NEDD4L: variants seen among roughly 807,000 people sequenced by gnomAD.
NEDD4L encodes the protein E3 ubiquitin-protein ligase NEDD4-like.
Under a neutral mutation model 148.9 loss-of-function variants are expected in NEDD4L, and 54 were observed. The ratio of observed to expected loss-of-function variants is 0.36; its 90% confidence interval spans 0.29 to 0.45. NEDD4L has a LOEUF of 0.45. Ranked by LOEUF, NEDD4L falls within the 20% of genes least tolerant of loss-of-function variation. The pLI is 1.00. For missense variants in NEDD4L, 856 were observed against 1,233.8 expected (o/e 0.69, Z 4.59); for synonymous variants, 433 against 440.7 (o/e 0.98, Z 0.22).
intron 2 of NEDD4L, among the ~76,000 whole-genome samples, chr18:58,202,668 T>A (rs1279377528): frequency 6.6e-6 from 1 of 152,232 alleles, no homozygotes; most frequent in Non-Finnish European, 1.5e-5. Flanking sequence ...GGGTTCAGAC[T>A]TGATCCTTTG....
intron 1 of NEDD4L, among the ~76,000 whole-genome samples, chr18:58,119,053 T>C (rs1235025543): frequency 6.6e-6 from 1 of 152,216 alleles, no homozygotes; most frequent in Admixed American, 6.5e-5. Context: ...TCCTCATCTT[T>C]TGTCAGCGAA....
At chr18:58,218,975 C>G (rs1288710407) in intron 2 of NEDD4L, among the ~76,000 whole-genome samples, 1 of 152,072 alleles carries the variant, frequency 6.6e-6, no homozygotes, top group African/African-American at 2.4e-5. Context: ...AGCCTCTGTC[C>G]CTAGATCATG....
intron 5 of NEDD4L, among the ~76,000 whole-genome samples, chr18:58,263,556 C>T (rs1419937029): frequency 6.6e-6 from 1 of 151,696 alleles, no homozygotes; most frequent in Non-Finnish European, 1.5e-5. Context: ...ATTGGTCATT[C>T]GAGAGCTGGT....
At chr18:58,104,876 C>A (rs1301907642) in intron 1 of NEDD4L, among the ~76,000 whole-genome samples, 7 of 151,756 alleles carry the variant, frequency 4.6e-5, no homozygotes, top group African/African-American at 7.3e-5. Flanking sequence ...CTCCACCCCC[C>A]AAACACATCC....
Position 58,399,443 on chromosome 18 carries a change from G to A in NEDD4L, c.*3174G>A, listed in dbSNP as rs1270267118. ...ATTCAGACAATGAGGGATACAGAGCGACTTGGCATGTATTATTTCTCCCAT... is the reference window on the plus strand; with the variant it reads ...ATTCAGACAATGAGGGATACAGAGCAACTTGGCATGTATTATTTCTCCCAT... On this transcript the variant is annotated 3_prime_UTR_variant, in exon 31 of 31. Coordinates refer to ENST00000400345, the MANE Select transcript of NEDD4L (RefSeq NM_001144967.3). The A allele has an allele frequency of 2.6e-5, 4 of 152,202 alleles. No individual in the cohort carries two copies. In the East Asian group the frequency reaches 5.8e-4, roughly 22 times the overall value. 9.4% of individuals were successfully genotyped at this position (152,202 alleles called of 1,614,324 possible). A position where few individuals can be genotyped will look rare whatever the true frequency, so the allele number is the denominator to read the frequency against.
rs2146149527 is a variant in NEDD4L at position 58,367,611 on chromosome 18, A to G, written c.2064-135A>G. On this transcript the variant is annotated intron_variant, in intron 21 of 30. Coordinates refer to ENST00000400345, the MANE Select transcript of NEDD4L (RefSeq NM_001144967.3). Reference sequence around the variant, plus strand: ...GAGCATGTGGTAAGTCAGGTCCTCTAGCCCACACATTTTCCCACTAGGTAC... The same window carrying G: ...GAGCATGTGGTAAGTCAGGTCCTCTGGCCCACACATTTTCCCACTAGGTAC... 4.5e-6 allele frequency: 4 copies of G among 887,206 alleles called. No individual in the cohort carries two copies. The South Asian group carries it at 5.0e-5, about 11-fold the overall frequency. 55.0% of individuals were successfully genotyped at this position (887,206 alleles called of 1,614,324 possible).
intron 1 of NEDD4L, among the ~76,000 whole-genome samples, chr18:58,105,844 G>A (rs139284838): frequency 1.6e-4 from 24 of 152,142 alleles, no homozygotes; most frequent in African/African-American, 4.3e-4. Context: ...AAGCCAGCCC[G>A]CAAAAGATCA....
intron 1 of NEDD4L, among the ~76,000 whole-genome samples, chr18:58,148,405 A>G (rs2034333368): frequency 6.6e-6 from 1 of 152,028 alleles, no homozygotes; most frequent in South Asian, 2.1e-4. Context: ...ACCTCAAGTT[A>G]TCTGCCTGCC....
intron 2 of NEDD4L, among the ~76,000 whole-genome samples, chr18:58,178,123 G>T (rs910044923): frequency 2.0e-5 from 3 of 152,158 alleles, no homozygotes; most frequent in African/African-American, 7.2e-5. Context: ...AACCTCTGAT[G>T]TTATAAGCCA....
chr18:58,266,762 G>A (rs149499863), intron 5 of NEDD4L, among the ~76,000 whole-genome samples: 18 of 152,220 alleles, frequency 1.2e-4, no homozygotes, highest in African/African-American at 4.1e-4. Flanking sequence ...TGACTTTGGA[G>A]TGATTTTTAA....
At chr18:58,254,940 T>G (rs2048335212) in intron 5 of NEDD4L, among the ~76,000 whole-genome samples, 1 of 152,212 alleles carries the variant, frequency 6.6e-6, no homozygotes, top group Non-Finnish European at 1.5e-5. Flanking sequence ...TATAGTACTG[T>G]TTTATTAGTT....
chr18:58,364,456 C>A, intron 20 of NEDD4L, 123 bp downstream of exon 20: 1 of 618,828 alleles, frequency 1.6e-6, no homozygotes, highest in South Asian at 2.2e-5. Flanking sequence ...CCTTCCTTTT[C>A]TCTCTGCACT....
intron 1 of NEDD4L, among the ~76,000 whole-genome samples, chr18:58,160,655 A>T (rs1001738371): frequency 6.6e-6 from 1 of 152,240 alleles, no homozygotes. Flanking sequence ...TTCAGAAAGT[A>T]CAGTGGCTCA....
chr18:58,122,354 G>T (rs767328113), intron 1 of NEDD4L, among the ~76,000 whole-genome samples: 60 of 152,276 alleles, frequency 3.9e-4, no homozygotes, highest in Non-Finnish European at 7.5e-4. Context: ...ACAAAAATTA[G>T]CCGGGTGTGG....
intron 1 of NEDD4L, among the ~76,000 whole-genome samples, chr18:58,126,583 C>A (rs921958092): frequency 2.0e-5 from 3 of 152,182 alleles, no homozygotes; most frequent in African/African-American, 7.2e-5. Context: ...TAGAATGATG[C>A]TGCCATGAAC....
At chr18:58,367,959 C>T in intron 22 of NEDD4L, 92 bp downstream of exon 22, 1 of 1,341,364 alleles carries the variant, frequency 7.5e-7, no homozygotes. Context: ...TAAGCAAAAG[C>T]TTCACTGGTT....
intron 5 of NEDD4L, among the ~76,000 whole-genome samples, chr18:58,313,143 A>G (rs2057891112): frequency 6.6e-6 from 1 of 152,228 alleles, no homozygotes; most frequent in Non-Finnish European, 1.5e-5. Flanking sequence ...CATTTTGACC[A>G]TGTGCATTTT....
chr18:58,082,092 A>ATG (rs2083466290), intron 1 of NEDD4L, among the ~76,000 whole-genome samples: 1 of 79,142 alleles, frequency 1.3e-5, no homozygotes, highest in South Asian at 3.6e-4. Context: ...ATATATATAT[A>ATG]TATATATATA....
intron 2 of NEDD4L, among the ~76,000 whole-genome samples, chr18:58,239,358 C>T (rs541864605): frequency 6.6e-6 from 1 of 152,196 alleles, no homozygotes; most frequent in African/African-American, 2.4e-5. Context: ...AGACCTTTCT[C>T]GTTGTTCTTC....
Sources: gnomAD v4.1 joint callset for allele counts (sites outside exome capture counted in the v4.1 genomes callset) on GRCh38, gnomAD v4.1.1 for gene constraint, MANE v1.5 for transcripts, NCBI Gene and HGNC (gene_info 2026-07-23, HGNC 2026-07-21) for gene names.